Variants in CRYL1 observed in about 807,000 individuals in gnomAD.
CRYL1 encodes the protein crystallin lambda 1, also known as lambda-crystallin homolog.
CRYL1 carries 29 observed loss-of-function variants against 36.6 expected under a neutral mutation model. That is an observed-to-expected ratio of 0.79 (90% CI 0.59 to 1.08). CRYL1 has a LOEUF of 1.08. Ranked by LOEUF, CRYL1 falls within the 50% of genes least tolerant of loss-of-function variation. The probability of loss-of-function intolerance (pLI) is 0.00; values close to 1 mark genes in which losing one functional copy is unlikely to be tolerated. For missense variants in CRYL1, 411 were observed against 407.9 expected (o/e 1.01, Z -0.06); for synonymous variants, 152 against 151.5 (o/e 1.00, Z -0.02).
At chr13:20,404,286 A>C in intron 7 of CRYL1, 44 bp from the exon 8 acceptor site, 1 of 1,308,886 alleles carries the variant, frequency 7.6e-7, no homozygotes, top group East Asian at 2.3e-5. Context: ...AAGAGGAAAT[A>C]ATTTATCAAG....
chr13:20,423,927 C>T (rs964586297), intron 5 of CRYL1, among the ~76,000 whole-genome samples: 2 of 151,842 alleles, frequency 1.3e-5, no homozygotes, highest in African/African-American at 2.4e-5. Context: ...CACAGCACCA[C>T]ACCTGGCTAA....
rs2034177567 is a variant in CRYL1, at chr13:20,525,641, G to A, written c.41+113C>T. ...GGCGCAGGGCTTCGGAGGACCGGAG[G>A]CCGGGGCGGGGACAGCGACCCGGCG... On this transcript the variant is annotated intron_variant, in intron 1 of 7. Transcript: ENST00000298248. The surrounding 1 kb of genome is among the most constrained non-coding windows in gnomAD (Gnocchi z 4.3). The A allele has an allele frequency of 2.3e-6, 2 of 877,508 alleles. No homozygotes were observed. Among genetic ancestry groups the A allele is most frequent in the Non-Finnish European group, 3.0e-6 (2 of 661,634 alleles). 54.4% of individuals were successfully genotyped at this position (877,508 alleles called of 1,614,324 possible).
intron 6 of CRYL1, among the ~76,000 whole-genome samples, chr13:20,407,333 G>A (rs1394520388): frequency 6.6e-6 from 1 of 151,948 alleles, no homozygotes; most frequent in Non-Finnish European, 1.5e-5. Context: ...GGAGTTCTCA[G>A]TGACTTAGAC....
rs113817341 is a variant in CRYL1, at chr13:20,448,807, T to C, written c.277-9053A>G. ...AGCAGACCTAATCAATCTACAATAA[T>C]TTTTAAAAGAAAGTCTTCAGGTAGA... On this transcript the variant is annotated intron_variant, in intron 3 of 7. Coordinates refer to ENST00000298248, the MANE Select transcript of CRYL1 (RefSeq NM_015974.3). Among the ~76,000 whole-genome samples the C allele has an allele frequency of 0.016, 2,423 of 152,250 alleles. 67 individuals carry two copies. The highest frequency in any genetic ancestry group is 0.055 in the African/African-American group (2,305 of 41,542).
intron 3 of CRYL1, among the ~76,000 whole-genome samples, chr13:20,488,674 T>C (rs150621257): frequency 2.2e-3 from 338 of 152,362 alleles, no homozygotes; most frequent in Non-Finnish European, 2.9e-3. Flanking sequence ...ATAATGACTC[T>C]TTTAGCTTTA....
rs765305591 is a variant in CRYL1 at position 20,413,373 on chromosome 13, A to C, written c.648T>G (p.Ser216=). ...AWRLVEEGIV[S]PSDLDLVMSE... ...ACATGACAAGGTCCAGGTCACTAGG[A>C]GACACGATTCCTTCCTACGTGGAGA... Residue 216 remains serine (S), a synonymous_variant, in exon 6 of 8, where the codon TCT becomes TCG. Transcript: ENST00000298248. 1.1e-4 allele frequency: 173 copies of C among 1,611,920 alleles called. No individual in the cohort carries two copies. The highest frequency in any genetic ancestry group is 1.4e-4 in the Non-Finnish European group (163 of 1,178,554).
chr13:20,442,399 C>T (rs192015232), intron 3 of CRYL1, among the ~76,000 whole-genome samples: 28 of 152,320 alleles, frequency 1.8e-4, no homozygotes, highest in African/African-American at 6.3e-4. Context: ...CATGTCACAA[C>T]TGAGTTTATT....
At chr13:20,512,675 T>C in intron 1 of CRYL1, 125 bp from the exon 2 acceptor site, 1 of 635,338 alleles carries the variant, frequency 1.6e-6, no homozygotes, top group Non-Finnish European at 2.7e-6. Flanking sequence ...ATACATATCT[T>C]AAAAGTACAC....
intron 2 of CRYL1, among the ~76,000 whole-genome samples, chr13:20,499,260 T>C (rs2033662000): frequency 6.7e-6 from 1 of 150,024 alleles, no homozygotes; most frequent in Non-Finnish European, 1.5e-5. Context: ...GTTAGAGGAT[T>C]GCTTGAGCCC....
At chr13:20,439,514 CAA>C (rs56087130) in intron 4 of CRYL1, 77 bp downstream of exon 4, 30,976 of 325,220 alleles carry the variant, frequency 0.095, 5 homozygotes, top group South Asian at 0.13. Flanking sequence ...CCCTCCCCCG[CAA>C]AAAAAAAAAA....
intron 3 of CRYL1, among the ~76,000 whole-genome samples, chr13:20,443,386 AT>A (rs2032387934): frequency 6.6e-6 from 1 of 151,806 alleles, no homozygotes; most frequent in African/African-American, 2.4e-5. Context: ...GCATTTTATT[AT>A]TTTTATTTTT....
chr13:20,465,400 G>A (rs4770036), intron 3 of CRYL1, among the ~76,000 whole-genome samples: 146,263 of 152,298 alleles, frequency 0.96, 70,500 homozygotes, highest in East Asian at 1. Flanking sequence ...GCAATGAACC[G>A]AAACACAAGA....
intron 5 of CRYL1, among the ~76,000 whole-genome samples, chr13:20,430,091 G>A (rs191924702): frequency 1.3e-5 from 2 of 152,096 alleles, no homozygotes; most frequent in Admixed American, 1.3e-4. Context: ...GGGGCTCGGG[G>A]TGCCTGGTAG....
In CRYL1 at chr13:20,509,011, T is replaced by C. The variant is rs137915527; in HGVS notation, c.149+3432A>G. On this transcript the variant is annotated intron_variant, in intron 2 of 7. Transcript: ENST00000298248. Reference sequence around the variant, plus strand: ...AGGTCAGGAGTCAGCCTGACTAACATGGTGAAACCCCACCTCTACTAAAAA... The same window carrying C: ...AGGTCAGGAGTCAGCCTGACTAACACGGTGAAACCCCACCTCTACTAAAAA... 5.0e-3 allele frequency among the ~76,000 whole-genome samples: 753 copies of C among 151,086 alleles called. 5 individuals carry two copies. Among genetic ancestry groups the C allele is most frequent in the African/African-American group, 0.017 (716 of 41,108 alleles).
chr13:20,458,240 G>A (rs185517714), intron 3 of CRYL1, among the ~76,000 whole-genome samples: 23 of 152,266 alleles, frequency 1.5e-4, no homozygotes, highest in Admixed American at 1.0e-3. Flanking sequence ...GTTCCCAGAC[G>A]TTTAAAAATA....
chr13:20,496,463 G>T (rs920112472), intron 2 of CRYL1, among the ~76,000 whole-genome samples: 2 of 152,166 alleles, frequency 1.3e-5, no homozygotes, highest in African/African-American at 4.8e-5. Flanking sequence ...GAATGACTTA[G>T]AAAATCGTTT....
chr13:20,442,894 G>C (rs969458147), intron 3 of CRYL1, among the ~76,000 whole-genome samples: 37 of 152,262 alleles, frequency 2.4e-4, no homozygotes, highest in African/African-American at 8.7e-4. Context: ...TCTGGGGAGA[G>C]GTAAAGCACA....
intron 6 of CRYL1, among the ~76,000 whole-genome samples, chr13:20,412,054 C>A (rs2031535737): frequency 1.3e-5 from 2 of 152,128 alleles, no homozygotes; most frequent in Admixed American, 1.3e-4. Context: ...CAACTCTCAA[C>A]CTCCCCTCTC....
intron 3 of CRYL1, 120 bp downstream of exon 3, chr13:20,489,250 C>T: frequency 2.5e-6 from 3 of 1,216,200 alleles, no homozygotes; most frequent in Admixed American, 4.7e-5. Flanking sequence ...CAAAATCCTG[C>T]CCTTGAAGAT....
Sources: gnomAD v4.1 joint callset for allele counts (sites outside exome capture counted in the v4.1 genomes callset) on GRCh38, gnomAD v4.1.1 for gene constraint, Gnocchi (gnomAD v3.1) non-coding constraint, MANE v1.5 for transcripts, NCBI Gene and HGNC (gene_info 2026-07-23, HGNC 2026-07-21) for gene names.